The following COL21A1 variants were observed in gnomAD, a reference collection of about 807,000 sequenced individuals.
COL21A1 encodes collagen alpha-1(XXI) chain.
In COL21A1, 149 loss-of-function variants were observed where a neutral mutation model predicts 137.9. The ratio of observed to expected loss-of-function variants is 1.08; its 90% CI spans 0.95 to 1.24. The LOEUF (loss-of-function observed/expected upper bound fraction) is 1.24. COL21A1 is among the 50% of genes most tolerant of loss of function. The probability of loss-of-function intolerance (pLI) is 0.00; values close to 1 mark genes in which losing one functional copy is unlikely to be tolerated. For missense variants in COL21A1, 1,167 were observed against 1,158.4 expected (o/e 1.01, Z -0.11); for synonymous variants, 456 against 391.5 (o/e 1.16, Z -1.95).
intron 1 of COL21A1, among the ~76,000 whole-genome samples, chr6:56,337,956 CTTTTCTT>C (rs1274344081): frequency 0.053 from 6,168 of 116,878 alleles, 122 homozygotes; most frequent in South Asian, 0.079. Flanking sequence ...CTTTTCTTTT[CTTTTCTT>C]TTTTTTTTTT....
intron 9 of COL21A1, among the ~76,000 whole-genome samples, chr6:56,158,277 T>TC (rs1371694927): frequency 2.2e-5 from 3 of 136,734 alleles, no homozygotes; most frequent in Admixed American, 7.3e-5. Flanking sequence ...TTTTTTTTTT[T>TC]TTTTTTTTTT....
At chr6:56,190,881 AT>A (rs1298328347) in intron 1 of COL21A1, among the ~76,000 whole-genome samples, 1 of 152,180 alleles carries the variant, frequency 6.6e-6, no homozygotes, top group African/African-American at 2.4e-5. Flanking sequence ...CTTCAACAAA[AT>A]TCAACACCCC....
chr6:56,205,534 G>T (rs1779711707), intron 1 of COL21A1, among the ~76,000 whole-genome samples: 1 of 152,180 alleles, frequency 6.6e-6, no homozygotes, highest in South Asian at 2.1e-4. Flanking sequence ...GTGATGGGGA[G>T]AATGGAACCA....
intron 1 of COL21A1, among the ~76,000 whole-genome samples, chr6:56,345,231 A>G (rs1291161901): frequency 6.6e-6 from 1 of 152,172 alleles, no homozygotes; most frequent in Non-Finnish European, 1.5e-5. Flanking sequence ...TTGAGTTAGG[A>G]GTAGAAAGAC....
At chr6:56,281,277 C>A (rs536629477) in intron 1 of COL21A1, among the ~76,000 whole-genome samples, 2 of 152,080 alleles carry the variant, frequency 1.3e-5, no homozygotes, top group Non-Finnish European at 2.9e-5. Flanking sequence ...TTTCAATGAA[C>A]TATGATAATA....
intron 1 of COL21A1, among the ~76,000 whole-genome samples, chr6:56,194,538 T>C (rs753326840): frequency 6.6e-6 from 1 of 152,162 alleles, no homozygotes; most frequent in Non-Finnish European, 1.5e-5. Flanking sequence ...CAAAGTTTTA[T>C]AAATTCTAGT....
chr6:56,279,894 A>C (rs1718463120), intron 1 of COL21A1, among the ~76,000 whole-genome samples: 1 of 152,160 alleles, frequency 6.6e-6, no homozygotes, highest in Non-Finnish European at 1.5e-5. Flanking sequence ...TTAATGTTTA[A>C]TAGCAATGCA....
rs1219750990 is a variant in COL21A1, at chr6:56,179,975, A to G, written c.243T>C (p.Tyr81=). The change falls in exon 3 of 30, where the codon TAT becomes TAC. Residue 81 remains tyrosine, a synonymous_variant. Transcript: ENST00000244728. ...GAATCTCCAGCACAGGGTAGTCACT[A>G]TATTGAACCACTCCAACTTGAATAA... ...PKFIQVGVVQ[Y]SDYPVLEIPL... 2.5e-6 allele frequency: 4 copies of G among 1,613,938 alleles called. No individual in the cohort carries two copies. The highest frequency in any genetic ancestry group is 2.5e-6 in the Non-Finnish European group (3 of 1,179,852).
At chr6:56,299,711 G>T (rs1277491426) in intron 1 of COL21A1, among the ~76,000 whole-genome samples, 1 of 151,652 alleles carries the variant, frequency 6.6e-6, no homozygotes, top group Non-Finnish European at 1.5e-5. Flanking sequence ...TTAAAATTCT[G>T]GTTTCCCCTA....
At chr6:56,144,067 A>G (rs1774644074) in intron 10 of COL21A1, among the ~76,000 whole-genome samples, 3 of 152,212 alleles carry the variant, frequency 2.0e-5, no homozygotes, top group Admixed American at 1.3e-4. Context: ...TCTAGTTATC[A>G]CTGAATCTCC....
chr6:56,250,227 C>T (rs927152841), upstream of COL21A1, among the ~76,000 whole-genome samples: 1 of 152,214 alleles, frequency 6.6e-6, no homozygotes. Flanking sequence ...CTAACCTAAA[C>T]TAGGAAACTG....
At chr6:56,211,567 A>G (rs1780179169) in intron 1 of COL21A1, among the ~76,000 whole-genome samples, 3 of 152,070 alleles carry the variant, frequency 2.0e-5, no homozygotes, top group Admixed American at 2.0e-4. Flanking sequence ...ATTTACCTCA[A>G]TTCAAAACAA....
chr6:56,180,233 A>G (rs2152281122), intron 2 of COL21A1, 104 bp from the exon 3 acceptor site: 2 of 861,524 alleles, frequency 2.3e-6, no homozygotes, highest in Admixed American at 3.1e-5. Flanking sequence ...ATCATTGCTT[A>G]TTTTAAATTG....
intron 1 of COL21A1, among the ~76,000 whole-genome samples, chr6:56,212,814 A>T (rs1339312972): frequency 1.3e-5 from 2 of 152,106 alleles, no homozygotes; most frequent in Non-Finnish European, 2.9e-5. Context: ...CAACATGTTT[A>T]TATAATAGTT....
intron 1 of COL21A1, among the ~76,000 whole-genome samples, chr6:56,379,855 T>C (rs1581792381): frequency 6.6e-6 from 1 of 152,226 alleles, no homozygotes; most frequent in Non-Finnish European, 1.5e-5. Flanking sequence ...GGCATCTCAA[T>C]ATAATTTTAA....
At chr6:56,168,787 T>C (rs1291730792) in intron 5 of COL21A1, among the ~76,000 whole-genome samples, 1 of 151,908 alleles carries the variant, frequency 6.6e-6, no homozygotes, top group Non-Finnish European at 1.5e-5. Flanking sequence ...ATGAGGGCAT[T>C]ACTCATAGGT....
intron 1 of COL21A1, among the ~76,000 whole-genome samples, chr6:56,388,042 A>C (rs942246567): frequency 2.6e-5 from 4 of 152,146 alleles, no homozygotes; most frequent in Non-Finnish European, 5.9e-5. Flanking sequence ...GAGTACAGAG[A>C]ACTTTGTCTT....
chr6:56,256,489 G>A (rs1029034839), intron 1 of COL21A1, among the ~76,000 whole-genome samples: 6 of 151,796 alleles, frequency 4.0e-5, no homozygotes, highest in African/African-American at 9.7e-5. Context: ...AAATTAATTC[G>A]CATCAAATTA....
chr6:56,116,341 G>A (rs1156696564), intron 16 of COL21A1, among the ~76,000 whole-genome samples: 3 of 146,052 alleles, frequency 2.1e-5, no homozygotes, highest in Non-Finnish European at 4.5e-5. Context: ...TCAGTGGAAG[G>A]CTTACAGGCC....
Sources: gnomAD v4.1 joint callset for allele counts (sites outside exome capture counted in the v4.1 genomes callset) on GRCh38, gnomAD v4.1.1 for gene constraint, MANE v1.5 for transcripts, NCBI Gene and HGNC (gene_info 2026-07-23, HGNC 2026-07-21) for gene names.